Variants in KIAA1671 observed in about 807,000 individuals in gnomAD.
KIAA1671 encodes KIAA1671.
KIAA1671 carries 52 observed loss-of-function variants against 131.2 expected under a neutral mutation model. The ratio of observed to expected loss-of-function variants is 0.40; its 90% CI spans 0.32 to 0.50. The LOEUF is 0.50. Among genes scored for constraint, KIAA1671 ranks in the 20% least tolerant of loss-of-function variants. The probability of loss-of-function intolerance (pLI) is 0.73; values close to 1 mark genes in which losing one functional copy is unlikely to be tolerated. For missense variants in KIAA1671, 2,360 were observed against 2,364.2 expected (o/e 1.00, Z 0.04); for synonymous variants, 1,003 against 961.6 (o/e 1.04, Z -0.80).
At chr22:25,113,848 C>G (rs1931517361) in intron 6 of KIAA1671, among the ~76,000 whole-genome samples, 1 of 152,172 alleles carries the variant, frequency 6.6e-6, no homozygotes, top group Non-Finnish European at 1.5e-5. Context: ...CATTCTGTCT[C>G]CCTCTGTGTG....
At chr22:25,060,118 C>T (rs903474501) in intron 6 of KIAA1671, 2 of 152,184 alleles carry the variant, frequency 1.3e-5, no homozygotes, top group African/African-American at 2.4e-5. Context: ...CCAGCTCTTC[C>T]TTGCCCAGAA....
intron 6 of KIAA1671, among the ~76,000 whole-genome samples, chr22:25,158,757 TAGTAAC>T (rs2145990360): frequency 6.6e-6 from 1 of 152,238 alleles, no homozygotes; most frequent in Non-Finnish European, 1.5e-5. Flanking sequence ...AAAGTGGGGA[TAGTAAC>T]AGTACCTGAT....
intron 6 of KIAA1671, among the ~76,000 whole-genome samples, chr22:25,156,505 A>G (rs2145986646): frequency 6.6e-6 from 1 of 151,284 alleles, no homozygotes; most frequent in East Asian, 2.0e-4. Flanking sequence ...TTGTGTTTAT[A>G]TGTATTTGTG....
At chr22:25,095,889 A>C (rs896259992) in intron 6 of KIAA1671, among the ~76,000 whole-genome samples, 4 of 152,144 alleles carry the variant, frequency 2.6e-5, no homozygotes, top group African/African-American at 9.7e-5. Context: ...TTCTGTAGCC[A>C]AGATAAAAAA....
At chr22:25,034,997 A>T (rs1051750437) in intron 4 of KIAA1671, among the ~76,000 whole-genome samples, 36 of 149,466 alleles carry the variant, frequency 2.4e-4, no homozygotes, top group African/African-American at 8.9e-4. Context: ...TCGGCCTCCC[A>T]AAGTGCTGGG....
At chr22:25,102,226 A>T (rs1037263654) in intron 6 of KIAA1671, among the ~76,000 whole-genome samples, 1 of 152,142 alleles carries the variant, frequency 6.6e-6, no homozygotes, top group East Asian at 1.9e-4. Context: ...TTCCTAGGAG[A>T]TATCAGAGAG....
rs1934071506 is a variant in KIAA1671, at chr22:25,177,408, C to T, written c.4960C>T (p.Arg1654Cys). 6 of 1,551,766 alleles carry T rather than the reference C, an allele frequency of 3.9e-6. No individual in the cohort carries two copies. The highest frequency in any genetic ancestry group is 5.2e-6 in the Non-Finnish European group (6 of 1,147,020). ...CCGGGTGCAGCTCAGCAAGAGAAGC[C>T]GCCGCCGGGCCCCCATCTCCCACTC... Reference protein sequence around the residue: ...KTRVQLSKRSRRRAPISHSLR... With the variant: ...KTRVQLSKRSCRRAPISHSLR... Residue 1654 changes from arginine (R) to cysteine (C), a missense_variant, in exon 9 of 13, where the codon CGC becomes TGC. This residue lies in a region of KIAA1671 where 1,161 missense variants were observed against 1,204.7 expected (regional missense o/e 0.96). Transcript: ENST00000358431.
At chr22:25,036,950 A>G (rs1212415023) in intron 4 of KIAA1671, among the ~76,000 whole-genome samples, 1 of 151,968 alleles carries the variant, frequency 6.6e-6, no homozygotes, top group African/African-American at 2.4e-5. Flanking sequence ...AAAATAAAAA[A>G]AGCTTTGAAC....
intron 1 of KIAA1671, among the ~76,000 whole-genome samples, chr22:24,990,169 C>T (rs1278086656): frequency 6.6e-6 from 1 of 152,090 alleles, no homozygotes; most frequent in African/African-American, 2.4e-5. Context: ...CAGCTCGCTG[C>T]AACCTCTGCC....
Position 25,093,794 on chromosome 22 carries a change from C to G in KIAA1671, c.4530+44430C>G, listed in dbSNP as rs55834104. 2.9e-3 allele frequency among the ~76,000 whole-genome samples: 372 copies of G among 129,370 alleles called. 24 individuals carry two copies. The highest frequency in any genetic ancestry group is 9.1e-3 in the African/African-American group (258 of 28,276). The allele number at this position is 129,370 out of a possible 152,430, so 84.9% of individuals were successfully genotyped here. A position where few individuals can be genotyped will look rare whatever the true frequency, so the allele number is the denominator to read the frequency against. ...TCTCTCTCTCTCTCTCTCTCTCTCT[C>G]TCTCTCTCTCTCTCTCTGTCTCTCT... On this transcript the variant is annotated intron_variant, in intron 6 of 12. Coordinates refer to ENST00000358431, the MANE Select transcript of KIAA1671 (RefSeq NM_001145206.2).
chr22:25,170,987 G>A (rs748419060), intron 7 of KIAA1671, 49 bp downstream of exon 7: 1 of 1,472,888 alleles, frequency 6.8e-7, no homozygotes, highest in South Asian at 1.2e-5. Context: ...CAGCTGGGCT[G>A]GAGTTGCTGC....
intron 6 of KIAA1671, among the ~76,000 whole-genome samples, chr22:25,138,956 C>G (rs950331660): frequency 6.6e-6 from 1 of 152,180 alleles, no homozygotes; most frequent in Non-Finnish European, 1.5e-5. Flanking sequence ...AATCCCACCC[C>G]CTTCCTGGTC....
chr22:24,980,050 C>T (rs976445738), intron 1 of KIAA1671, among the ~76,000 whole-genome samples: 2 of 151,678 alleles, frequency 1.3e-5, no homozygotes, highest in Non-Finnish European at 2.9e-5. Flanking sequence ...CTGCAACCTC[C>T]ACTTCCCAGG....
rs569738907 is a variant in KIAA1671 at position 25,196,920 on chromosome 22, A to G, written c.*4519A>G. On this transcript the variant is annotated 3_prime_UTR_variant, in exon 13 of 13. Coordinates refer to ENST00000358431, the MANE Select transcript of KIAA1671 (RefSeq NM_001145206.2). ...CGTGATCCTCCAAATGCTTTGTAAG[A>G]TGGGGCAGGGCGTGGAAATATATAT... 2.3e-4 allele frequency: 35 copies of G among 152,122 alleles called. No homozygotes were observed. The highest frequency in any genetic ancestry group is 8.5e-4 in the African/African-American group (35 of 41,398). The allele number at this position is 152,122 out of a possible 1,614,324, so 9.4% of individuals were successfully genotyped here. A position where few individuals can be genotyped will look rare whatever the true frequency, so the allele number is the denominator to read the frequency against.
chr22:24,960,352 C>T (rs1406794482), intron 1 of KIAA1671, among the ~76,000 whole-genome samples: 1 of 151,218 alleles, frequency 6.6e-6, no homozygotes, highest in Non-Finnish European at 1.5e-5. Flanking sequence ...TCAAGACCAG[C>T]CTGGTCAACA....
chr22:25,149,408 G>T (rs1299841791), intron 6 of KIAA1671, among the ~76,000 whole-genome samples: 1 of 152,192 alleles, frequency 6.6e-6, no homozygotes, highest in East Asian at 1.9e-4. Context: ...GAGATAGAGA[G>T]AAATTTCAGG....
intron 1 of KIAA1671, among the ~76,000 whole-genome samples, chr22:24,967,855 T>C (rs1254912831): frequency 6.6e-6 from 1 of 151,858 alleles, no homozygotes; most frequent in Non-Finnish European, 1.5e-5. Context: ...TAGCCGGGCG[T>C]GGTGGCGGGT....
At chr22:25,118,945 G>C (rs1434554272) in intron 6 of KIAA1671, among the ~76,000 whole-genome samples, 12 of 152,090 alleles carry the variant, frequency 7.9e-5, no homozygotes, top group Admixed American at 5.9e-4. Context: ...CGACGTTCCA[G>C]GCTGTGGTGA....
At chr22:25,027,502 T>C (rs1926012556) in intron 2 of KIAA1671, among the ~76,000 whole-genome samples, 1 of 152,228 alleles carries the variant, frequency 6.6e-6, no homozygotes, top group Non-Finnish European at 1.5e-5. Context: ...CACTGAGGCC[T>C]ATTCAGGGAG....
Sources: gnomAD v4.1 joint callset for allele counts (sites outside exome capture counted in the v4.1 genomes callset) on GRCh38, gnomAD v4.1.1 for gene constraint, gnomAD v4.1.1 regional missense constraint, MANE v1.5 for transcripts, NCBI Gene and HGNC (gene_info 2026-07-23, HGNC 2026-07-21) for gene names.